SLC36A1: variants seen among roughly 807,000 people sequenced by gnomAD.
The protein encoded by SLC36A1 is proton-coupled amino acid transporter 1.
In SLC36A1, 30 loss-of-function variants were observed where a neutral mutation model predicts 47.5. The observed-to-expected ratio is 0.63, with a 90% CI of 0.47 to 0.86. The LOEUF (loss-of-function observed/expected upper bound fraction) is 0.86. SLC36A1 is among the 40% of genes least tolerant of loss of function. The pLI, the probability that SLC36A1 is intolerant of heterozygous loss-of-function variation, is 0.00. For synonymous variants in SLC36A1, 255 were observed against 249.7 expected (o/e 1.02, Z -0.20); for missense variants, 517 against 606.0 (o/e 0.85, Z 1.54).
rs71575106 is a variant in SLC36A1, at chr5:151,473,174, CTAGATAGATAGA to C, written c.724-458_724-447del. ...TGGGTGACAGAAGGAGACTCTGTCT[CTAGATAGATAGA>C]TAGATAGATAGATAGATAGATAGAT... On this transcript the variant is annotated intron_variant, in intron 7 of 10. Transcript: ENST00000243389. Among the ~76,000 whole-genome samples, 238 of 132,032 alleles carry C rather than the reference CTAGATAGATAGA, an allele frequency of 1.8e-3. 1 individual carries two copies. Among genetic ancestry groups the C allele is most frequent in the African/African-American group, 3.9e-3 (139 of 36,024 alleles). The allele number at this position is 132,032 out of a possible 152,430, so 86.6% of individuals were successfully genotyped here.
chr5:151,504,119 T>TAA, the SLC36A1 span: 16 of 150,444 alleles, frequency 1.1e-4, no homozygotes, highest in South Asian at 4.2e-4. Context: ...ACTTTATTGT[T>TAA]AAAAAAAAAA....
chr5:151,525,982 C>T, the SLC36A1 span: 1 of 1,611,758 alleles, frequency 6.2e-7, no homozygotes. Flanking sequence ...CCGAGAGTGA[C>T]AAAGAAGGCA....
chr5:151,536,880 T>C, the SLC36A1 span, among the ~76,000 whole-genome samples: 2 of 152,200 alleles, frequency 1.3e-5, no homozygotes, highest in Non-Finnish European at 2.9e-5. Context: ...CCTCATTCTT[T>C]GTCCTCTCTC....
the SLC36A1 span, among the ~76,000 whole-genome samples, chr5:151,421,553 G>GT: frequency 6.1e-5 from 9 of 146,934 alleles, no homozygotes; most frequent in Non-Finnish European, 9.0e-5. Context: ...ATCTTGTAGA[G>GT]TTTTTTCTTT....
chr5:151,515,253 G>A, the SLC36A1 span, among the ~76,000 whole-genome samples: 1,072 of 152,176 alleles, frequency 7.0e-3, 11 homozygotes, highest in African/African-American at 0.024. Flanking sequence ...CAGCATCACC[G>A]GTTACTCATG....
the SLC36A1 span, chr5:151,525,780 C>T: frequency 3.1e-6 from 5 of 1,614,186 alleles, no homozygotes; most frequent in Non-Finnish European, 4.2e-6. Context: ...GGATCTGAAG[C>T]TGATACCATT....
chr5:151,474,900 T>C lies in SLC36A1; in HGVS notation c.822+1129T>C, dbSNP rs141977560. Reference sequence around the variant, plus strand: ...TCTCTTTTTTGATTTCCGAGACACCTTATTTGCTTTTAAGAAAACCTAGAA... The same window carrying C: ...TCTCTTTTTTGATTTCCGAGACACCCTATTTGCTTTTAAGAAAACCTAGAA... On this transcript the variant is annotated intron_variant, in intron 8 of 10. Coordinates refer to ENST00000243389, the MANE Select transcript of SLC36A1 (RefSeq NM_078483.4). Among the ~76,000 whole-genome samples the C allele has an allele frequency of 3.6e-3, 553 of 152,346 alleles. 4 individuals carry two copies. The highest frequency in any genetic ancestry group is 0.013 in the African/African-American group (521 of 41,590).
At chr5:151,417,209 C>T in the SLC36A1 span, among the ~76,000 whole-genome samples, 3 of 152,154 alleles carry the variant, frequency 2.0e-5, no homozygotes, top group African/African-American at 7.2e-5. Context: ...TATTTTGGAA[C>T]TGGATAATGG....
chr5:151,459,003 T>C, intron 2 of SLC36A1, 68 bp downstream of exon 2: 1 of 1,506,054 alleles, frequency 6.6e-7, no homozygotes, highest in Non-Finnish European at 8.9e-7. Flanking sequence ...TGGACTTATT[T>C]TTCCCCCCAA....
chr5:151,497,925 G>A, the SLC36A1 span, among the ~76,000 whole-genome samples: 4 of 151,880 alleles, frequency 2.6e-5, no homozygotes, highest in South Asian at 4.2e-4. Context: ...CCTACCTTTA[G>A]CTGGGGGGAT....
At chr5:151,363,577 C>T in the SLC36A1 span, among the ~76,000 whole-genome samples, 1 of 152,180 alleles carries the variant, frequency 6.6e-6, no homozygotes, top group East Asian at 1.9e-4. Flanking sequence ...TCAGATCATC[C>T]CCAGAGCTTA....
At chr5:151,385,037 T>TGTGTGTGTGA in the SLC36A1 span, among the ~76,000 whole-genome samples, 731 of 142,126 alleles carry the variant, frequency 5.1e-3, 4 homozygotes, top group African/African-American at 0.019. Context: ...TGTGTGTGTG[T>TGTGTGTGTGA]GAGAGAGAGA....
intron 1 of SLC36A1, 64 bp from the exon 2 acceptor site, chr5:151,458,724 A>G: frequency 6.4e-7 from 1 of 1,560,316 alleles, no homozygotes; most frequent in African/African-American, 1.4e-5. Flanking sequence ...CCCAGAGGCC[A>G]CCCCAAATAT....
chr5:151,390,132 G>A, the SLC36A1 span, among the ~76,000 whole-genome samples: 2 of 152,142 alleles, frequency 1.3e-5, no homozygotes, highest in South Asian at 2.1e-4. Flanking sequence ...TCTCATTGTG[G>A]TTTTGATTTG....
intron 2 of SLC36A1, among the ~76,000 whole-genome samples, chr5:151,462,069 C>T (rs1755603220): frequency 1.3e-5 from 2 of 151,748 alleles, no homozygotes; most frequent in African/African-American, 4.8e-5. Context: ...CAGCCCATCA[C>T]CTCAAGGAAA....
chr5:151,505,770 C>T, the SLC36A1 span: 23 of 1,614,060 alleles, frequency 1.4e-5, no homozygotes, highest in Admixed American at 5.0e-5. Context: ...CCCTCCCTGC[C>T]GGAACTGCGA....
At chr5:151,404,508 T>C in the SLC36A1 span, among the ~76,000 whole-genome samples, 3 of 152,206 alleles carry the variant, frequency 2.0e-5, no homozygotes, top group Non-Finnish European at 4.4e-5. Context: ...ATAGGGTCTG[T>C]GGGCGATGTA....
At chr5:151,516,832 G>T in the SLC36A1 span, among the ~76,000 whole-genome samples, 1 of 152,110 alleles carries the variant, frequency 6.6e-6, no homozygotes, top group African/African-American at 2.4e-5. Flanking sequence ...GGGGCTGAGG[G>T]CAGTGGTTCA....
At chr5:151,500,973 G>A in the SLC36A1 span, among the ~76,000 whole-genome samples, 1 of 152,358 alleles carries the variant, frequency 6.6e-6, no homozygotes, top group East Asian at 1.9e-4. Context: ...GGTGGGGAGA[G>A]GATGGAGGTG....
Sources: gnomAD v4.1 joint callset for allele counts (sites outside exome capture counted in the v4.1 genomes callset) on GRCh38, gnomAD v4.1.1 for gene constraint, MANE v1.5 for transcripts, NCBI Gene and HGNC (gene_info 2026-07-23, HGNC 2026-07-21) for gene names.